Variants in VEGFC observed in about 807,000 individuals in gnomAD.
VEGFC encodes FLT4 ligand DHM.
In VEGFC, 12 loss-of-function variants were observed where a neutral mutation model predicts 46.1. The ratio of observed to expected loss-of-function variants is 0.26; its 90% confidence interval spans 0.17 to 0.42. VEGFC has a LOEUF of 0.42. Among genes scored for constraint, VEGFC ranks in the 10% least tolerant of loss-of-function variants. The pLI is 1.00. For missense variants in VEGFC, 488 were observed against 529.4 expected (o/e 0.92, Z 0.77); for synonymous variants, 232 against 195.5 (o/e 1.19, Z -1.56).
At chr4:176,726,187 C>T (rs1045390969) in intron 3 of VEGFC, among the ~76,000 whole-genome samples, 1 of 152,054 alleles carries the variant, frequency 6.6e-6, no homozygotes, top group Non-Finnish European at 1.5e-5. Flanking sequence ...ATTTTGGCAA[C>T]CACTGAAATA....
At chr4:176,694,182 G>T (rs1734264174) in intron 4 of VEGFC, among the ~76,000 whole-genome samples, 1 of 151,536 alleles carries the variant, frequency 6.6e-6, no homozygotes, top group African/African-American at 2.4e-5. Context: ...GACACAGACT[G>T]GCAAATTGGA....
chr4:176,686,816 A>C (rs966337405), intron 6 of VEGFC, among the ~76,000 whole-genome samples: 2 of 152,138 alleles, frequency 1.3e-5, no homozygotes, highest in Non-Finnish European at 2.9e-5. Context: ...CTTTGTTTGT[A>C]AGTTTTGCAT....
At chr4:176,744,664 G>A (rs926903961) in intron 1 of VEGFC, among the ~76,000 whole-genome samples, 2 of 152,040 alleles carry the variant, frequency 1.3e-5, no homozygotes, top group Admixed American at 1.3e-4. Flanking sequence ...ACAATTATTA[G>A]TATGTTTATT....
Position 176,687,203 on chromosome 4 carries a change from G to C in VEGFC, c.1129C>G (p.His377Asp). 6.2e-7 allele frequency: 1 copy of C among 1,611,902 alleles called. No individual in the cohort carries two copies. Among genetic ancestry groups the C allele is most frequent in the Non-Finnish European group, 8.5e-7 (1 of 1,179,206 alleles). Residue 377 changes from histidine (H) to aspartate (D), a missense_variant, in exon 6 of 7, where the codon CAC becomes GAC. Transcript: ENST00000618562. ...QKCLLKGKKF[H>D]HQTCSCYRRP... ...ATCTCTTACCTGCATGTTTGGTGGT[G>C]GAACTTCTTTCCTTTTAACAAGCAT...
chr4:176,791,519 A>T lies in VEGFC; in HGVS notation c.147+646T>A, dbSNP rs372131898. Among the ~76,000 whole-genome samples, 582 of 65,720 alleles carry T rather than the reference A, an allele frequency of 8.9e-3. 5 individuals carry two copies. The highest frequency in any genetic ancestry group is 0.014 in the African/African-American group (521 of 38,258). The allele number at this position is 65,720 out of a possible 152,430, so 43.1% of individuals were successfully genotyped here. On this transcript the variant is annotated intron_variant, in intron 1 of 6. Transcript: ENST00000618562. ...AAAAAAACTTAGTTTGCAGTATCTC[A>T]TGACCAGATTTTAGGAATGAAGAGC...
chr4:176,790,833 A>G (rs1316610609), intron 1 of VEGFC, among the ~76,000 whole-genome samples: 1 of 152,242 alleles, frequency 6.6e-6, no homozygotes, highest in African/African-American at 2.4e-5. Context: ...AAGAACAGAA[A>G]GATATTTTCA....
intron 1 of VEGFC, among the ~76,000 whole-genome samples, chr4:176,780,454 T>C (rs1426676172): frequency 6.7e-6 from 1 of 149,852 alleles, no homozygotes; most frequent in Non-Finnish European, 1.5e-5. Context: ...CCATGTGTAA[T>C]ACACAGTGCA....
chr4:176,727,001 G>A (rs1454373871), intron 3 of VEGFC, among the ~76,000 whole-genome samples: 3 of 152,170 alleles, frequency 2.0e-5, no homozygotes, highest in Non-Finnish European at 2.9e-5. Context: ...TCCAGCCCAC[G>A]GGACTGGATT....
At chr4:176,760,150 T>C (rs1735504243) in intron 1 of VEGFC, among the ~76,000 whole-genome samples, 1 of 152,162 alleles carries the variant, frequency 6.6e-6, no homozygotes, top group Admixed American at 6.5e-5. Context: ...AATAATAGGT[T>C]TTATTTTCTC....
intron 4 of VEGFC, among the ~76,000 whole-genome samples, chr4:176,694,257 T>C (rs567488808): frequency 6.5e-4 from 98 of 150,662 alleles, no homozygotes; most frequent in Non-Finnish European, 1.1e-3. Context: ...GAGACACACA[T>C]AGGCTCAAAA....
At chr4:176,694,119 A>C (rs1452147009) in intron 4 of VEGFC, among the ~76,000 whole-genome samples, 1 of 151,862 alleles carries the variant, frequency 6.6e-6, no homozygotes, top group African/African-American at 2.4e-5. Flanking sequence ...GATCAAATTC[A>C]CACATAACAA....
At chr4:176,750,022 G>A (rs620653) in intron 1 of VEGFC, among the ~76,000 whole-genome samples, 130,037 of 151,670 alleles carry the variant, frequency 0.86, 56,578 homozygotes, top group East Asian at 1. Flanking sequence ...AAAATAGATC[G>A]GTAAACAATC....
In VEGFC at chr4:176,771,692, C is replaced by T. The variant is rs900743795; in HGVS notation, c.147+20473G>A. 4.6e-5 allele frequency among the ~76,000 whole-genome samples: 7 copies of T among 152,136 alleles called. No individual in the cohort carries two copies. The East Asian group carries it at 5.8e-4, about 13-fold the overall frequency. On this transcript the variant is annotated intron_variant, in intron 1 of 6. Transcript: ENST00000618562. ...TTATCTGGTACCAGTGCTGTGGACA[C>T]GCCACTTGGAAGGAGGAACCACTGT...
intron 3 of VEGFC, among the ~76,000 whole-genome samples, chr4:176,716,673 T>C (rs989684963): frequency 6.7e-6 from 1 of 149,096 alleles, no homozygotes; most frequent in Non-Finnish European, 1.5e-5. Flanking sequence ...CAGAGAGAGA[T>C]ACTATGGTAG....
chr4:176,718,042 A>C (rs1384422234), intron 3 of VEGFC, among the ~76,000 whole-genome samples: 1 of 152,186 alleles, frequency 6.6e-6, no homozygotes, highest in Non-Finnish European at 1.5e-5. Context: ...CCTCAATTGA[A>C]GAGTTTTAGA....
chr4:176,750,376 T>G (rs1735322042), intron 1 of VEGFC, among the ~76,000 whole-genome samples: 1 of 151,722 alleles, frequency 6.6e-6, no homozygotes, highest in Non-Finnish European at 1.5e-5. Flanking sequence ...AAACTATATT[T>G]GTTTTGAAAG....
intron 1 of VEGFC, 36 bp from the exon 2 acceptor site, chr4:176,729,782 G>C (rs1375607466): frequency 6.7e-7 from 1 of 1,498,680 alleles, no homozygotes; most frequent in Admixed American, 2.2e-5. Flanking sequence ...TGACTTACCA[G>C]CTTAAGGGAT....
intron 1 of VEGFC, among the ~76,000 whole-genome samples, chr4:176,734,243 T>A (rs1735018257): frequency 6.6e-6 from 1 of 151,840 alleles, no homozygotes; most frequent in Non-Finnish European, 1.5e-5. Flanking sequence ...ATACAATAAG[T>A]ATGGCCAAGT....
intron 1 of VEGFC, among the ~76,000 whole-genome samples, chr4:176,738,283 A>C (rs1017199869): frequency 3.3e-5 from 5 of 152,034 alleles, no homozygotes; most frequent in African/African-American, 4.8e-5. Flanking sequence ...GAGGCATCAC[A>C]CTACCTGATT....
Sources: gnomAD v4.1 joint callset for allele counts (sites outside exome capture counted in the v4.1 genomes callset) on GRCh38, gnomAD v4.1.1 for gene constraint, MANE v1.5 for transcripts, NCBI Gene and HGNC (gene_info 2026-07-23, HGNC 2026-07-21) for gene names.